STX8: variants seen among roughly 807,000 people sequenced by gnomAD.
STX8 encodes the protein syntaxin-8.
A neutral mutation model predicts 37.5 loss-of-function variants in STX8; 23 were observed. That is an observed-to-expected ratio of 0.61 (90% CI 0.44 to 0.87). The LOEUF (loss-of-function observed/expected upper bound fraction) is 0.87. Ranked by LOEUF, STX8 falls within the 40% of genes least tolerant of loss-of-function variation. STX8 has a pLI of 0.00. For synonymous variants in STX8, 115 were observed against 99.1 expected (o/e 1.16, Z -0.95); for missense variants, 313 against 284.7 (o/e 1.10, Z -0.71).
chr17:9,459,796 T>C (rs550944762), intron 6 of STX8, among the ~76,000 whole-genome samples: 1 of 152,280 alleles, frequency 6.6e-6, no homozygotes, highest in African/African-American at 2.4e-5. Flanking sequence ...ATTACAGGAG[T>C]GAACCACCAC....
chr17:9,430,221 A>AATAT (rs1913908071), intron 6 of STX8, among the ~76,000 whole-genome samples: 1 of 132,012 alleles, frequency 7.6e-6, no homozygotes, highest in Admixed American at 9.7e-5. Context: ...ATATAAATAA[A>AATAT]ATATATATTA....
intron 7 of STX8, among the ~76,000 whole-genome samples, chr17:9,345,692 CTTTTT>C (rs56831788): frequency 7.2e-6 from 1 of 139,832 alleles, no homozygotes; most frequent in Non-Finnish European, 1.6e-5. Context: ...ATCTCACATA[CTTTTT>C]TTTTTTTTTT....
chr17:9,510,227 A>G (rs1904978813), intron 4 of STX8, among the ~76,000 whole-genome samples: 1 of 152,196 alleles, frequency 6.6e-6, no homozygotes, highest in African/African-American at 2.4e-5. Context: ...CAGATCATTC[A>G]GACAGAAAAT....
intron 6 of STX8, among the ~76,000 whole-genome samples, chr17:9,408,071 G>A (rs1373455525): frequency 1.3e-5 from 2 of 152,072 alleles, no homozygotes; most frequent in East Asian, 1.9e-4. Flanking sequence ...GTAATGTTAC[G>A]CCAGAGGCAG....
At position 9,393,196 on chromosome 17, in the gene STX8, C is replaced by T. The variant is rs142093624; in HGVS notation, c.542-14543G>A. ...AATCAGAGGCCAGAAGGAAGTATAGCACCAGTTTTAAAGTGCTGAAAGAAA... is the reference window on the plus strand; with the variant it reads ...AATCAGAGGCCAGAAGGAAGTATAGTACCAGTTTTAAAGTGCTGAAAGAAA... On this transcript the variant is annotated intron_variant, in intron 6 of 7. Coordinates refer to ENST00000306357, the MANE Select transcript of STX8 (RefSeq NM_004853.3). Among the ~76,000 whole-genome samples, 626 of 152,304 alleles carry T rather than the reference C, an allele frequency of 4.1e-3. 3 individuals carry two copies. Among genetic ancestry groups the T allele is most frequent in the African/African-American group, 0.014 (589 of 41,568 alleles).
intron 7 of STX8, among the ~76,000 whole-genome samples, chr17:9,262,421 AG>A (rs1427749712): frequency 6.6e-6 from 1 of 152,166 alleles, no homozygotes; most frequent in African/African-American, 2.4e-5. Context: ...CCACAAACTT[AG>A]CTCGGGAGGT....
intron 7 of STX8, among the ~76,000 whole-genome samples, chr17:9,301,680 G>A (rs1205910812): frequency 6.6e-6 from 1 of 150,924 alleles, no homozygotes; most frequent in Non-Finnish European, 1.5e-5. Context: ...TTTTAGTAGA[G>A]ACGGGGTTTC....
intron 7 of STX8, among the ~76,000 whole-genome samples, chr17:9,299,214 T>G (rs1386234963): frequency 1.3e-5 from 2 of 152,160 alleles, no homozygotes; most frequent in African/African-American, 4.8e-5. Flanking sequence ...TTCTCCCGGA[T>G]GCATAGCTCA....
chr17:9,522,541 C>CAAAAAAAAA (rs33970359), intron 4 of STX8, among the ~76,000 whole-genome samples: 27 of 66,806 alleles, frequency 4.0e-4, no homozygotes, highest in African/African-American at 8.9e-4. Flanking sequence ...ACTAAAAATC[C>CAAAAAAAAA]AAAAAAAAAA....
chr17:9,372,206 C>T (rs954963592), intron 7 of STX8, among the ~76,000 whole-genome samples: 1 of 152,132 alleles, frequency 6.6e-6, no homozygotes, highest in Non-Finnish European at 1.5e-5. Context: ...GTTGTCAATA[C>T]TGTATTTTCC....
intron 2 of STX8, among the ~76,000 whole-genome samples, chr17:9,558,263 T>C (rs938626985): frequency 6.6e-6 from 1 of 152,158 alleles, no homozygotes; most frequent in African/African-American, 2.4e-5. Context: ...AGACATATGT[T>C]AAAAACACAG....
chr17:9,365,792 T>C (rs922981405), intron 7 of STX8, among the ~76,000 whole-genome samples: 5 of 152,064 alleles, frequency 3.3e-5, no homozygotes, highest in African/African-American at 7.2e-5. Context: ...ACCAACAGGG[T>C]GAAACCCTGT....
chr17:9,428,143 CA>C, intron 6 of STX8, among the ~76,000 whole-genome samples: 1 of 152,314 alleles, frequency 6.6e-6, no homozygotes, highest in South Asian at 2.1e-4. Flanking sequence ...AATCAGAGAA[CA>C]GGGGGTAGTC....
At chr17:9,364,403 C>G (rs913392730) in intron 7 of STX8, among the ~76,000 whole-genome samples, 2 of 152,034 alleles carry the variant, frequency 1.3e-5, no homozygotes, top group Admixed American at 6.6e-5. Context: ...GGGAGGGGAA[C>G]AGTTTAAACT....
chr17:9,415,105 A>G (rs1409796855), intron 6 of STX8, among the ~76,000 whole-genome samples: 1 of 152,004 alleles, frequency 6.6e-6, no homozygotes, highest in Non-Finnish European at 1.5e-5. Flanking sequence ...TGAGTTCTGC[A>G]TTCCACCCCA....
At chr17:9,339,070 CAAAAAAAA>C (rs34987749) in intron 7 of STX8, among the ~76,000 whole-genome samples, 1 of 70,030 alleles carries the variant, frequency 1.4e-5, no homozygotes, top group African/African-American at 6.5e-5. Context: ...GACTCCGTCT[CAAAAAAAA>C]AAAAAAAAAA....
chr17:9,537,376 G>T (rs1297012087), intron 4 of STX8, among the ~76,000 whole-genome samples: 1 of 152,186 alleles, frequency 6.6e-6, no homozygotes, highest in Non-Finnish European at 1.5e-5. Flanking sequence ...ACAGATGTGA[G>T]TTCTCCACAC....
At chr17:9,271,121 G>C (rs8077969) in intron 7 of STX8, among the ~76,000 whole-genome samples, 52,297 of 152,120 alleles carry the variant, frequency 0.34, 9,807 homozygotes, top group African/African-American at 0.5. Flanking sequence ...ACAGTGTGAC[G>C]TGGGACCAGG....
At chr17:9,276,094 A>G (rs1274091454) in intron 7 of STX8, among the ~76,000 whole-genome samples, 3 of 112,594 alleles carry the variant, frequency 2.7e-5, no homozygotes, top group East Asian at 3.2e-4. Context: ...TGCGGTTTCT[A>G]TCTACCCCCT....
Sources: gnomAD v4.1 joint callset for allele counts (sites outside exome capture counted in the v4.1 genomes callset) on GRCh38, gnomAD v4.1.1 for gene constraint, MANE v1.5 for transcripts, NCBI Gene and HGNC (gene_info 2026-07-23, HGNC 2026-07-21) for gene names.